INSC: variants seen among roughly 807,000 people sequenced by gnomAD.
The protein encoded by INSC is INSC spindle orientation adaptor protein, also known as protein inscuteable homolog.
In INSC, 67 loss-of-function variants were observed where a neutral mutation model predicts 58.6. The observed-to-expected ratio is 1.14, with a 90% CI of 0.94 to 1.40. The LOEUF (loss-of-function observed/expected upper bound fraction) is 1.40. Ranked by LOEUF, INSC falls within the 40% of genes most tolerant of loss-of-function variation. The pLI, the probability that INSC is intolerant of heterozygous loss-of-function variation, is 0.00. For missense variants in INSC, 714 were observed against 692.0 expected (o/e 1.03, Z -0.36); for synonymous variants, 262 against 276.1 (o/e 0.95, Z 0.51).
chr11:15,253,548 A>C, the INSC span, among the ~76,000 whole-genome samples: 1 of 152,174 alleles, frequency 6.6e-6, no homozygotes, highest in Admixed American at 6.5e-5. Flanking sequence ...ACATAAAGGA[A>C]ACTTTATTAA....
At chr11:15,188,988 T>A (rs1046006143) in intron 5 of INSC, among the ~76,000 whole-genome samples, 11 of 152,246 alleles carry the variant, frequency 7.2e-5, no homozygotes, top group Non-Finnish European at 1.5e-4. Context: ...GTTGAATCTC[T>A]AACAAGAGGC....
chr11:15,140,508 T>C (rs1378893345), intron 1 of INSC, among the ~76,000 whole-genome samples: 2 of 152,172 alleles, frequency 1.3e-5, no homozygotes, highest in Non-Finnish European at 2.9e-5. Flanking sequence ...CCTGTGTGCA[T>C]GTCCCAGGTG....
intron 7 of INSC, among the ~76,000 whole-genome samples, chr11:15,206,474 GC>G (rs1222790786): frequency 1.2e-4 from 19 of 152,172 alleles, no homozygotes; most frequent in Admixed American, 1.0e-3. Flanking sequence ...AATTGGGGGA[GC>G]CCCAAGGAGA....
chr11:15,196,210 C>T (rs11826213), intron 6 of INSC, among the ~76,000 whole-genome samples: 3,931 of 152,306 alleles, frequency 0.026, 158 homozygotes, highest in African/African-American at 0.074. Context: ...TTAACAACAA[C>T]GATAATAATT....
At chr11:15,214,836 A>G (rs1362216062) in intron 7 of INSC, among the ~76,000 whole-genome samples, 3 of 152,150 alleles carry the variant, frequency 2.0e-5, no homozygotes, top group African/African-American at 4.8e-5. Flanking sequence ...TGATAAAAAG[A>G]TGAGTTCAGC....
intron 1 of INSC, among the ~76,000 whole-genome samples, chr11:15,138,159 G>T (rs1848289870): frequency 2.1e-5 from 1 of 47,828 alleles, no homozygotes; most frequent in Admixed American, 2.8e-4. Flanking sequence ...CATCTTATGG[G>T]GGTGCAATTT....
chr11:15,260,426 T>G, the INSC span, among the ~76,000 whole-genome samples: 1 of 152,134 alleles, frequency 6.6e-6, no homozygotes, highest in African/African-American at 2.4e-5. Context: ...AATACAGGTA[T>G]GGGGGTCATC....
At chr11:15,151,610 TC>T (rs1848652729) in intron 2 of INSC, among the ~76,000 whole-genome samples, 1 of 68,998 alleles carries the variant, frequency 1.4e-5, no homozygotes, top group South Asian at 4.9e-4. Context: ...GGGATGCTGA[TC>T]TTCTTGTTGG....
At chr11:15,167,749 G>C (rs1358589780) in intron 2 of INSC, among the ~76,000 whole-genome samples, 1 of 152,056 alleles carries the variant, frequency 6.6e-6, no homozygotes, top group Non-Finnish European at 1.5e-5. Flanking sequence ...CTCCCAAAGT[G>C]TTGGGATTAC....
At chr11:15,209,463 T>C (rs1850936324) in intron 7 of INSC, among the ~76,000 whole-genome samples, 1 of 152,176 alleles carries the variant, frequency 6.6e-6, no homozygotes. Context: ...ACCTCCACTG[T>C]TGACATCTCG....
the INSC span, among the ~76,000 whole-genome samples, chr11:15,260,431 G>A: frequency 5.3e-5 from 8 of 152,130 alleles, no homozygotes; most frequent in African/African-American, 1.9e-4. Context: ...AGGTATGGGG[G>A]TCATCTAGAT....
intron 5 of INSC, among the ~76,000 whole-genome samples, chr11:15,179,277 A>T (rs772589597): frequency 1.3e-5 from 2 of 152,242 alleles, no homozygotes; most frequent in Non-Finnish European, 2.9e-5. Flanking sequence ...ACCCTTTGCT[A>T]TTTTAAAAAC....
chr11:15,239,274 A>G (rs1408295324), intron 11 of INSC, among the ~76,000 whole-genome samples, 200 bp downstream of exon 11: 1 of 152,188 alleles, frequency 6.6e-6, no homozygotes. Flanking sequence ...AGAGGGAGAA[A>G]GGACCTAGAG....
chr11:15,151,960 A>G (rs886987439), intron 2 of INSC, among the ~76,000 whole-genome samples: 3 of 152,238 alleles, frequency 2.0e-5, no homozygotes, highest in African/African-American at 7.2e-5. Context: ...ACTGATTAAT[A>G]GGCAGGCCTT....
chr11:15,268,675 A>C, the INSC span, among the ~76,000 whole-genome samples: 1 of 152,120 alleles, frequency 6.6e-6, no homozygotes, highest in Non-Finnish European at 1.5e-5. Context: ...GGCATCAAGA[A>C]ATTAAGTACT....
chr11:15,259,291 A>C, the INSC span, among the ~76,000 whole-genome samples: 2 of 152,342 alleles, frequency 1.3e-5, no homozygotes, highest in African/African-American at 4.8e-5. Context: ...ACAAGAAAGC[A>C]AATTGTTAAT....
chr11:15,198,139 T>C lies in INSC; in HGVS notation c.694-2685T>C, dbSNP rs1029557363. On this transcript the variant is annotated intron_variant, in intron 6 of 12. Coordinates refer to ENST00000379556, the MANE Select transcript of INSC (RefSeq NM_001042536.3). ...TCTTTCATGAGGATATAAGACACTC[T>C]TATAATCAGGAAGCCTCACATAGCC... 1.1e-4 allele frequency among the ~76,000 whole-genome samples: 16 copies of C among 152,308 alleles called. No homozygotes were observed. The East Asian group carries it at 3.1e-3, about 29-fold the overall frequency.
At chr11:15,124,508 T>C (rs543118741) in intron 1 of INSC, among the ~76,000 whole-genome samples, 1 of 152,322 alleles carries the variant, frequency 6.6e-6, no homozygotes, top group Non-Finnish European at 1.5e-5. Flanking sequence ...CAGCTCCCCA[T>C]GAGCCCTATG....
the INSC span, among the ~76,000 whole-genome samples, chr11:15,254,098 C>A: frequency 5.9e-5 from 9 of 152,194 alleles, no homozygotes; most frequent in Non-Finnish European, 1.2e-4. Flanking sequence ...CTCTCATTTT[C>A]ACCTTTGTGA....
Sources: allele counts gnomAD v4.1 joint callset (sites outside exome capture counted in the v4.1 genomes callset), GRCh38; gene constraint gnomAD v4.1.1; transcripts MANE v1.5; gene names NCBI Gene and HGNC (gene_info 2026-07-23, HGNC 2026-07-21).